Variants in DNAH10 observed in about 807,000 individuals in gnomAD.
DNAH10 encodes dynein axonemal heavy chain 10.
In DNAH10, 348 loss-of-function variants were observed where a neutral mutation model predicts 506.6. The ratio of observed to expected loss-of-function variants is 0.69; its 90% CI spans 0.63 to 0.75. DNAH10 has a LOEUF of 0.75. DNAH10 is among the 30% of genes least tolerant of loss of function. The probability of loss-of-function intolerance (pLI) is 0.00; values close to 1 mark genes in which losing one functional copy is unlikely to be tolerated. For synonymous variants in DNAH10, 2,059 were observed against 2,198.6 expected (o/e 0.94, Z 1.78); for missense variants, 5,179 against 5,787.1 (o/e 0.89, Z 3.41).
rs1486337549 is a variant in DNAH10, at chr12:123,793,989, G to A, written c.1863G>A (p.Thr621=). The change falls in exon 12 of 79, where the codon ACG becomes ACA. Residue 621 remains threonine, a synonymous_variant. Coordinates refer to ENST00000673944, the MANE Select transcript of DNAH10 (RefSeq NM_001372106.1). ...ATTTTATTGATGAATCTTTTAAGACGCTTCGATCTGCTGAAGCAGCATTTG... is the reference window on the plus strand; with the variant it reads ...ATTTTATTGATGAATCTTTTAAGACACTTCGATCTGCTGAAGCAGCATTTG... ...AKHFIDESFK[T]LRSAEAAFDM... 9.4e-6 allele frequency: 12 copies of A among 1,275,154 alleles called. No homozygotes were observed. The highest frequency in any genetic ancestry group is 7.7e-5 in the South Asian group (6 of 77,938). 79.0% of individuals were successfully genotyped at this position (1,275,154 alleles called of 1,614,324 possible).
chr12:123,931,636 G>A lies in DNAH10; in HGVS notation c.12917G>A (p.Gly4306Glu). ...AHLLELQPQT[G>E]ESSSGISRDD... Reference sequence around the variant, plus strand: ...TCTCTGAAAAGTGTCCTGGTTTTAGGGGAATCCAGCAGTGGTATCAGCCGC... The same window carrying A: ...TCTCTGAAAAGTGTCCTGGTTTTAGAGGAATCCAGCAGTGGTATCAGCCGC... Residue 4306 changes from glycine to glutamate, a missense_variant and splice_region_variant, in exon 75 of 79, where the codon GGG becomes GAG. This residue lies in a region of DNAH10 where 4,844 missense variants were observed against 5,430.5 expected (regional missense o/e 0.89). Coordinates refer to ENST00000673944, the MANE Select transcript of DNAH10 (RefSeq NM_001372106.1). The A allele has an allele frequency of 6.2e-7, 1 of 1,613,786 alleles. No homozygotes were observed. The highest frequency in any genetic ancestry group is 1.3e-5 in the African/African-American group (1 of 75,028).
chr12:123,782,259 A>G (rs372132238), intron 6 of DNAH10, among the ~76,000 whole-genome samples: 1 of 150,272 alleles, frequency 6.7e-6, no homozygotes, highest in Admixed American at 6.6e-5. Flanking sequence ...GATGGATGCT[A>G]TATGTCTCAA....
chr12:123,776,077 C>A (rs1368348236), intron 5 of DNAH10, among the ~76,000 whole-genome samples: 1 of 152,122 alleles, frequency 6.6e-6, no homozygotes, highest in Non-Finnish European at 1.5e-5. Flanking sequence ...GTAACCTCCC[C>A]CATCATTCAA....
In DNAH10 at chr12:123,847,965, T is replaced by C; in HGVS notation, c.5819T>C (p.Leu1940Pro). Residue 1940 changes from leucine (L) to proline (P), a missense_variant, in exon 33 of 79, where the codon CTG (leucine) becomes CCG (proline). By Grantham distance (98) the Leu-to-Pro change is moderately conservative. This residue lies in a region of DNAH10 where 4,844 missense variants were observed against 5,430.5 expected (regional missense o/e 0.89). Transcript: ENST00000673944. Reference protein sequence around the residue: ...DRIYLTLTQALSMYLGGAPAG... With the variant: ...DRIYLTLTQAPSMYLGGAPAG... The stretch of plus-strand genomic sequence containing the variant: ...TTTGCATTTGGCTTATAACAGGCGC[T>C]GTCCATGTATCTAGGTGGGGCCCCC... 1 of 1,609,460 alleles carries C rather than the reference T, an allele frequency of 6.2e-7. No individual in the cohort carries two copies. Among genetic ancestry groups the C allele is most frequent in the Non-Finnish European group, 8.5e-7 (1 of 1,178,202 alleles).
At chr12:123,867,363 T>A in intron 41 of DNAH10, 104 bp from the exon 42 acceptor site, 1 of 1,248,902 alleles carries the variant, frequency 8.0e-7, no homozygotes, top group East Asian at 2.4e-5. Flanking sequence ...GTATCATTCA[T>A]CAGAAGATGT....
intron 30 of DNAH10, among the ~76,000 whole-genome samples, chr12:123,842,195 G>C (rs891181333): frequency 6.6e-6 from 1 of 152,228 alleles, no homozygotes; most frequent in Non-Finnish European, 1.5e-5. Context: ...GCTCTCAGGG[G>C]ATTCCCAGCA....
intron 13 of DNAH10, among the ~76,000 whole-genome samples, chr12:123,798,060 G>A (rs950634367): frequency 3.9e-5 from 6 of 152,110 alleles, no homozygotes; most frequent in African/African-American, 7.2e-5. Flanking sequence ...GAGTTACAAA[G>A]CATTATTATT....
At chr12:123,908,225 T>TCCC (rs1953898308) in intron 57 of DNAH10, 1 of 414,542 alleles carries the variant, frequency 2.4e-6, no homozygotes, top group African/African-American at 2.1e-5. Context: ...CCTCCCTGTC[T>TCCC]TCCTGTCTCC....
chr12:123,786,637 T>C (rs892787401), intron 9 of DNAH10, among the ~76,000 whole-genome samples: 3 of 5,826 alleles, frequency 5.1e-4, no homozygotes, highest in African/African-American at 2.3e-3. Context: ...TCATATTCCA[T>C]TGTATGGAGA....
rs1956870663 is a variant in DNAH10, at chr12:123,762,645, TC to T, written c.214+97del. 3 of 1,336,672 alleles carry T rather than the reference TC, an allele frequency of 2.2e-6. No individual in the cohort carries two copies. Among genetic ancestry groups the T allele is most frequent in the Non-Finnish European group, 3.0e-6 (3 of 996,970 alleles). 82.8% of individuals were successfully genotyped at this position (1,336,672 alleles called of 1,614,324 possible). On this transcript the variant is annotated intron_variant, in intron 1 of 78. Transcript: ENST00000673944. This position sits in a 1 kb window ranked among gnomAD's most constrained non-coding sequence, Gnocchi z 5.0. Reference sequence around the variant, plus strand: ...CGGGGCTGCTAGAGCCTGCCCATCGTCCGGCCCCGGCCTCAGGTGCTGTCCA... The same window carrying T: ...CGGGGCTGCTAGAGCCTGCCCATCGTCGGCCCCGGCCTCAGGTGCTGTCCA...
intron 38 of DNAH10, among the ~76,000 whole-genome samples, chr12:123,860,487 A>T (rs917536705): frequency 6.6e-6 from 1 of 152,174 alleles, no homozygotes; most frequent in Non-Finnish European, 1.5e-5. Flanking sequence ...TTCTCTATAG[A>T]TGAATTAATC....
Position 123,902,827 on chromosome 12 carries a change from T to G in DNAH10, c.9641-112T>G. 7.4e-7 allele frequency: 1 copy of G among 1,348,280 alleles called. No individual in the cohort carries two copies. Among genetic ancestry groups the G allele is most frequent in the Non-Finnish European group, 9.9e-7 (1 of 1,010,324 alleles). The allele number at this position is 1,348,280 out of a possible 1,614,324, so 83.5% of individuals were successfully genotyped here. ...GCCACATTGGCCAGAGCCCCTTAGA[T>G]CCCCGCTAGGGCTCAAGCCAACCTT... On this transcript the variant is annotated intron_variant, in intron 56 of 78. Transcript: ENST00000673944. This position sits in a 1 kb window ranked among gnomAD's most constrained non-coding sequence, Gnocchi z 4.5.
intron 29 of DNAH10, among the ~76,000 whole-genome samples, chr12:123,840,209 G>A (rs1232182600): frequency 3.3e-5 from 5 of 151,626 alleles, no homozygotes; most frequent in East Asian, 1.9e-4. Flanking sequence ...AATCATCCCC[G>A]GCTGAGAATG....
At position 123,781,144 on chromosome 12, in the gene DNAH10, G is replaced by C; in HGVS notation, c.686G>C (p.Gly229Ala). The change falls in exon 6 of 79, where the codon GGA becomes GCA. Residue 229 changes from glycine to alanine, a missense_variant. Around this residue, in one of 3 missense-constraint regions of DNAH10, gnomAD observed 326 missense variants for 330.8 expected, o/e 0.99. Transcript: ENST00000673944. ...RTSTTVGVTS[G>A]EVSNSSEHES... Reference sequence around the variant, plus strand: ...AGTACAACCGTGGGAGTCACATCTGGAGAAGTCTCTAATTCCTCTGAGCAT... The same window carrying C: ...AGTACAACCGTGGGAGTCACATCTGCAGAAGTCTCTAATTCCTCTGAGCAT... 6.2e-7 allele frequency: 1 copy of C among 1,614,068 alleles called. No individual in the cohort carries two copies. The highest frequency in any genetic ancestry group is 8.5e-7 in the Non-Finnish European group (1 of 1,179,976).
At chr12:123,898,001 CATT>C in intron 55 of DNAH10, 34 bp downstream of exon 55, 8 of 1,519,144 alleles carry the variant, frequency 5.3e-6, no homozygotes, top group Non-Finnish European at 7.0e-6. Context: ...TGACAAAAGT[CATT>C]ATTATTTATG....
In DNAH10 at chr12:123,785,908, C is replaced by G; in HGVS notation, c.1393C>G (p.Arg465Gly). 1.2e-6 allele frequency: 2 copies of G among 1,613,630 alleles called. No individual in the cohort carries two copies. Among genetic ancestry groups the G allele is most frequent in the Non-Finnish European group, 1.7e-6 (2 of 1,179,572 alleles). Residue 465 changes from arginine (R) to glycine (G), a missense_variant, in exon 9 of 79, where the codon CGA becomes GGA. Physicochemically the swap from Arg to Gly is moderately radical, Grantham distance 125 (BLOSUM62 -2). This residue lies in a region of DNAH10 where 4,844 missense variants were observed against 5,430.5 expected (regional missense o/e 0.89). Transcript: ENST00000673944. This position sits in a 1 kb window ranked among gnomAD's most constrained non-coding sequence, Gnocchi z 4.1. ...IAWEIAERVC[R>G]VVNLRTLFKE... Reference sequence around the variant, plus strand: ...CTGGGAAATCGCTGAGAGAGTCTGCCGAGTGGTCAACCTGCGGACTTTGTT... The same window carrying G: ...CTGGGAAATCGCTGAGAGAGTCTGCGGAGTGGTCAACCTGCGGACTTTGTT...
chr12:123,901,469 C>T (rs371846703), intron 56 of DNAH10, among the ~76,000 whole-genome samples: 20 of 152,270 alleles, frequency 1.3e-4, no homozygotes, highest in South Asian at 4.1e-4. Context: ...CGGCTTTGCA[C>T]GCTGCAAGTG....
chr12:123,910,255 C>T (rs1486164424), intron 58 of DNAH10, among the ~76,000 whole-genome samples: 1 of 152,190 alleles, frequency 6.6e-6, no homozygotes, highest in African/African-American at 2.4e-5. Context: ...TCCAGTTAGC[C>T]ACCTGGGTGC....
At chr12:123,854,059 A>G (rs1297557174) in intron 36 of DNAH10, among the ~76,000 whole-genome samples, 3 of 145,326 alleles carry the variant, frequency 2.1e-5, no homozygotes, top group Non-Finnish European at 4.5e-5. Flanking sequence ...TGGGATTTTC[A>G]CACATTTGGG....
Sources: allele counts gnomAD v4.1 joint callset (sites outside exome capture counted in the v4.1 genomes callset), GRCh38; gene constraint gnomAD v4.1.1; regional missense constraint gnomAD v4.1.1; non-coding constraint Gnocchi (gnomAD v3.1); transcripts MANE v1.5; gene names NCBI Gene and HGNC (gene_info 2026-07-23, HGNC 2026-07-21).